PTPRN2: variants seen among roughly 807,000 people sequenced by gnomAD.
PTPRN2 encodes the protein receptor-type tyrosine-protein phosphatase N2.
Under a neutral mutation model 118.8 loss-of-function variants are expected in PTPRN2, and 74 were observed. The observed-to-expected ratio is 0.62, with a 90% CI of 0.52 to 0.76. The LOEUF is 0.76. PTPRN2 is among the 30% of genes least tolerant of loss of function. The pLI is 0.00. For synonymous variants in PTPRN2, 641 were observed against 608.0 expected, an observed-to-expected ratio of 1.05 and a Z score of -0.80; for missense variants, 1,481 against 1,394.4, an observed-to-expected ratio of 1.06 and a Z score of -0.99.
chr7:158,302,068 T>G (rs1800934393), intron 3 of PTPRN2, among the ~76,000 whole-genome samples: 1 of 152,216 alleles, frequency 6.6e-6, no homozygotes, highest in East Asian at 1.9e-4. Flanking sequence ...CGCTGGCAGT[T>G]AAACTATGAT....
intron 1 of PTPRN2, among the ~76,000 whole-genome samples, chr7:158,504,887 C>G (rs1196301373): frequency 2.0e-5 from 3 of 152,168 alleles, no homozygotes; most frequent in Non-Finnish European, 4.4e-5. Context: ...ATTTTTTCCT[C>G]TTAGGATACA....
chr7:158,508,236 G>C (rs1459665679), intron 1 of PTPRN2, among the ~76,000 whole-genome samples: 1 of 152,230 alleles, frequency 6.6e-6, no homozygotes, highest in Non-Finnish European at 1.5e-5. Flanking sequence ...CCCCACGCTG[G>C]GCAGGGGGCA....
chr7:158,244,079 A>G (rs2150864638), intron 3 of PTPRN2, among the ~76,000 whole-genome samples: 1 of 152,064 alleles, frequency 6.6e-6, no homozygotes, highest in East Asian at 1.9e-4. Context: ...CTTCCTCACA[A>G]TGTGGCCCAT....
chr7:158,087,225 C>G (rs1813493909), intron 10 of PTPRN2, among the ~76,000 whole-genome samples: 1 of 152,226 alleles, frequency 6.6e-6, no homozygotes, highest in African/African-American at 2.4e-5. Flanking sequence ...ACAGTCCCCG[C>G]ACGCTGTACT....
intron 3 of PTPRN2, among the ~76,000 whole-genome samples, chr7:158,310,457 G>A (rs1465702082): frequency 2.0e-5 from 3 of 152,256 alleles, no homozygotes; most frequent in Non-Finnish European, 4.4e-5. Flanking sequence ...TGAGGACCAT[G>A]GCCGAATGCG....
At chr7:158,167,416 C>T (rs368868414) in intron 5 of PTPRN2, 125 bp from the exon 6 acceptor site, 24 of 1,272,160 alleles carry the variant, frequency 1.9e-5, no homozygotes, top group African/African-American at 1.3e-4. Context: ...AGATGCCCTT[C>T]GGTCTCAGGT....
chr7:157,682,598 TA>T, intron 13 of PTPRN2, 126 bp downstream of exon 13: 1 of 1,002,296 alleles, frequency 1.0e-6, no homozygotes, highest in Non-Finnish European at 1.5e-6. Context: ...ACTGTCCTCA[TA>T]AAAGACCCCA....
In PTPRN2 at chr7:157,615,296, G is replaced by A. The variant is rs1030786303; in HGVS notation, c.2344+6066C>T. On this transcript the variant is annotated intron_variant, in intron 15 of 22. Coordinates refer to ENST00000389418, the MANE Select transcript of PTPRN2 (RefSeq NM_002847.5). The surrounding 1 kb of genome is among the most constrained non-coding windows in gnomAD (Gnocchi z 4.3). Reference sequence around the variant, plus strand: ...GCTCCAGAGAGGGCCCTGCAAGAGCGGTGTGCGTGGGTTGCGGCTGGGTCT... The same window carrying A: ...GCTCCAGAGAGGGCCCTGCAAGAGCAGTGTGCGTGGGTTGCGGCTGGGTCT... 10 of 368,314 alleles carry A rather than the reference G, an allele frequency of 2.7e-5. No homozygotes were observed. Among genetic ancestry groups the A allele is most frequent in the African/African-American group, 8.5e-5 (4 of 47,192 alleles). The allele number at this position is 368,314 out of a possible 1,614,324, so 22.8% of individuals were successfully genotyped here.
intron 2 of PTPRN2, among the ~76,000 whole-genome samples, chr7:158,489,437 ACT>A: frequency 6.6e-6 from 1 of 152,188 alleles, no homozygotes; most frequent in Non-Finnish European, 1.5e-5. Context: ...ACAGAGCGAG[ACT>A]CTGTCTCAAA....
At chr7:157,805,288 C>CCT (rs1554453134) in intron 12 of PTPRN2, among the ~76,000 whole-genome samples, 9 of 89,848 alleles carry the variant, frequency 1.0e-4, no homozygotes, top group African/African-American at 3.1e-4. Flanking sequence ...TATATATACT[C>CCT]CTGTGTGTGT....
In PTPRN2 at chr7:157,950,975, G is replaced by C. The variant is rs561627829; in HGVS notation, c.1724-52238C>G. ...AAGAAGGTTTCCATTGAGTTTGCTA[G>C]TTCTTCACTAGCAATATTCCCAGCT... On this transcript the variant is annotated intron_variant, in intron 11 of 22. Coordinates refer to ENST00000389418, the MANE Select transcript of PTPRN2 (RefSeq NM_002847.5). Among the ~76,000 whole-genome samples, 16 of 152,218 alleles carry C rather than the reference G, an allele frequency of 1.1e-4. No homozygotes were observed. The South Asian group carries it at 3.3e-3, about 32-fold the overall frequency.
intron 17 of PTPRN2, 101 bp from the exon 18 acceptor site, chr7:157,578,241 C>A: frequency 7.5e-7 from 1 of 1,341,878 alleles, no homozygotes; most frequent in South Asian, 1.6e-5. Context: ...TTATTCCATT[C>A]ACAGGACATT....
intron 12 of PTPRN2, among the ~76,000 whole-genome samples, chr7:157,809,300 C>T (rs202080798): frequency 1.1e-4 from 16 of 146,610 alleles, no homozygotes; most frequent in East Asian, 7.8e-4. Flanking sequence ...TGAGCTCCCA[C>T]GTAGGCCCAG....
chr7:158,461,858 T>C (rs1279609701), intron 2 of PTPRN2, among the ~76,000 whole-genome samples: 1 of 145,416 alleles, frequency 6.9e-6, no homozygotes, highest in Admixed American at 7.1e-5. Context: ...AACACGTCTT[T>C]AGTGTGGGTT....
At chr7:157,722,474 G>A (rs1303074764) in intron 12 of PTPRN2, among the ~76,000 whole-genome samples, 6 of 152,184 alleles carry the variant, frequency 3.9e-5, no homozygotes, top group African/African-American at 7.2e-5. Context: ...GGAAAGGTGC[G>A]TGGCTCCCGT....
At chr7:158,379,369 G>C (rs921782088) in intron 2 of PTPRN2, among the ~76,000 whole-genome samples, 8 of 152,116 alleles carry the variant, frequency 5.3e-5, no homozygotes, top group Non-Finnish European at 1.0e-4. Context: ...GTAAATGTTT[G>C]ATGAAAGCAA....
chr7:158,557,571 G>A (rs1310694466), intron 1 of PTPRN2, among the ~76,000 whole-genome samples: 4 of 152,348 alleles, frequency 2.6e-5, no homozygotes, highest in African/African-American at 9.6e-5. Context: ...GGCTGTGCTC[G>A]GGTGTGTTTC....
intron 10 of PTPRN2, among the ~76,000 whole-genome samples, chr7:158,108,975 A>G (rs995654337): frequency 1.7e-4 from 26 of 152,202 alleles, no homozygotes; most frequent in Middle Eastern, 3.4e-3. Flanking sequence ...AGTGAATGAC[A>G]TCAGCCCTGT....
intron 12 of PTPRN2, among the ~76,000 whole-genome samples, chr7:157,724,745 G>A (rs900299735): frequency 2.6e-5 from 4 of 152,228 alleles, no homozygotes; most frequent in African/African-American, 4.8e-5. Flanking sequence ...GAATAACAGC[G>A]TAGTTGGGTG....
Sources: allele counts gnomAD v4.1 joint callset (sites outside exome capture counted in the v4.1 genomes callset), GRCh38; gene constraint gnomAD v4.1.1; non-coding constraint Gnocchi (gnomAD v3.1); transcripts MANE v1.5; gene names NCBI Gene and HGNC (gene_info 2026-07-23, HGNC 2026-07-21).